The following PRKN variants were observed in gnomAD, a reference collection of about 807,000 sequenced individuals.
PRKN encodes the protein parkin RBR E3 ubiquitin protein ligase.
Under a neutral mutation model 59.5 loss-of-function variants are expected in PRKN, and 56 were observed. The observed-to-expected ratio is 0.94, with a 90% confidence interval of 0.76 to 1.18. PRKN has a LOEUF of 1.18. PRKN is among the 50% of genes most tolerant of loss of function. PRKN has a pLI of 0.00. For missense variants in PRKN, 657 were observed against 596.4 expected, an observed-to-expected ratio of 1.10 and a Z score of -1.06; for synonymous variants, 250 against 222.1, an observed-to-expected ratio of 1.13 and a Z score of -1.12.
intron 6 of PRKN, among the ~76,000 whole-genome samples, chr6:161,909,310 C>T (rs1339384093): frequency 6.6e-6 from 1 of 152,118 alleles, no homozygotes; most frequent in Non-Finnish European, 1.5e-5. Flanking sequence ...AAGAAGGTGA[C>T]TTGTTTTCCC....
rs564640448 is a variant in PRKN, at chr6:162,435,043, G to C, written c.171+8267C>G. Among the ~76,000 whole-genome samples the C allele has an allele frequency of 3.3e-5, 5 of 152,320 alleles. No homozygotes were observed. The East Asian group carries it at 9.7e-4, about 29-fold the overall frequency. On this transcript the variant is annotated intron_variant, in intron 2 of 11. Transcript: ENST00000366898. ...ATCTCAGATAACATCAGGTCAATTG[G>C]ATGATGGAATCTTAGTCCAATAATG...
chr6:162,228,398 C>G (rs1312446034), intron 3 of PRKN, among the ~76,000 whole-genome samples: 1 of 152,132 alleles, frequency 6.6e-6, no homozygotes, highest in African/African-American at 2.4e-5. Flanking sequence ...CAGACAGGGA[C>G]TAGAGACTCT....
chr6:162,097,752 A>G (rs1779803983), intron 4 of PRKN, among the ~76,000 whole-genome samples: 1 of 152,236 alleles, frequency 6.6e-6, no homozygotes, highest in African/African-American at 2.4e-5. Flanking sequence ...GAGATTAAGT[A>G]CACCATAAAA....
intron 9 of PRKN, among the ~76,000 whole-genome samples, chr6:161,537,751 T>G (rs1017850950): frequency 6.6e-6 from 1 of 152,216 alleles, no homozygotes; most frequent in Non-Finnish European, 1.5e-5. Flanking sequence ...GCGCCCGGCC[T>G]CAAATTCTTA....
chr6:161,680,777 T>TATATATA (rs1562604160), intron 7 of PRKN, among the ~76,000 whole-genome samples: 1 of 37,292 alleles, frequency 2.7e-5, no homozygotes, highest in Non-Finnish European at 6.5e-5. Flanking sequence ...ATATATATAT[T>TATATATA]TTTTTTTTTT....
intron 9 of PRKN, among the ~76,000 whole-genome samples, chr6:161,537,478 T>G (rs112159579): frequency 0.024 from 3,653 of 151,680 alleles, 167 homozygotes; most frequent in African/African-American, 0.082. Flanking sequence ...TTGAGATGGA[T>G]TCTTGCTCTG....
chr6:162,694,645 A>C (rs1158678540), intron 1 of PRKN: 2 of 152,228 alleles, frequency 1.3e-5, no homozygotes, highest in African/African-American at 4.8e-5. Context: ...TAAAACTCAA[A>C]TTAAATTTTA....
intron 1 of PRKN, among the ~76,000 whole-genome samples, chr6:162,684,317 A>C (rs2128233552): frequency 6.6e-6 from 1 of 152,190 alleles, no homozygotes; most frequent in Admixed American, 6.5e-5. Context: ...AAATCAAGGC[A>C]GCAGAAAGTG....
chr6:162,355,009 A>G (rs896851530), intron 2 of PRKN, among the ~76,000 whole-genome samples: 2 of 152,028 alleles, frequency 1.3e-5, no homozygotes, highest in African/African-American at 4.8e-5. Flanking sequence ...TACATCAACA[A>G]CAGAAATACT....
intron 6 of PRKN, among the ~76,000 whole-genome samples, chr6:161,930,939 C>T (rs1052213253): frequency 6.6e-6 from 1 of 152,228 alleles, no homozygotes; most frequent in East Asian, 1.9e-4. Context: ...GAAATGGACT[C>T]TCCCTGAGAG....
chr6:162,623,102 G>C (rs1249768539), intron 1 of PRKN, among the ~76,000 whole-genome samples: 2 of 152,192 alleles, frequency 1.3e-5, no homozygotes, highest in Admixed American at 6.5e-5. Context: ...CCAGTCATTA[G>C]GCTTCAGCCT....
chr6:162,206,564 A>T (rs1001462679), intron 3 of PRKN, among the ~76,000 whole-genome samples: 1 of 152,088 alleles, frequency 6.6e-6, no homozygotes, highest in African/African-American at 2.4e-5. Flanking sequence ...TGGTGTCATT[A>T]GCTCTCATTT....
chr6:161,387,380 G>A (rs1786307634), intron 9 of PRKN, among the ~76,000 whole-genome samples: 2 of 152,186 alleles, frequency 1.3e-5, no homozygotes, highest in South Asian at 2.1e-4. Flanking sequence ...TGTGAAGAAG[G>A]ATGTGTTTGC....
At position 161,401,462 on chromosome 6, in the gene PRKN, C is replaced by T. The variant is rs565372713; in HGVS notation, c.1084-14585G>A. Among the ~76,000 whole-genome samples, 64 of 151,950 alleles carry T rather than the reference C, an allele frequency of 4.2e-4. No individual in the cohort carries two copies. Among genetic ancestry groups the T allele is most frequent in the African/African-American group, 1.5e-3 (62 of 41,418 alleles). ...CGCATCTCTACTAAAAATACAAAAA[C>T]GTTAGCTGGGCGTGGTGGTGGACGC... On this transcript the variant is annotated intron_variant, in intron 9 of 11. Coordinates refer to ENST00000366898, the MANE Select transcript of PRKN (RefSeq NM_004562.3). This position sits in a 1 kb window ranked among gnomAD's most constrained non-coding sequence, Gnocchi z 4.4.
rs77892194 is a variant in PRKN at position 161,525,380 on chromosome 6, T to C, written c.1083+23474A>G. 6.6e-6 allele frequency among the ~76,000 whole-genome samples: 1 copy of C among 152,196 alleles called. No homozygotes were observed. Among genetic ancestry groups the C allele is most frequent in the African/African-American group, 2.4e-5 (1 of 41,456 alleles). On this transcript the variant is annotated intron_variant, in intron 9 of 11. Coordinates refer to ENST00000366898, the MANE Select transcript of PRKN (RefSeq NM_004562.3). The surrounding 1 kb of genome is among the most constrained non-coding windows in gnomAD (Gnocchi z 4.7). ...AGGACTTTCCTCCTGGAGCCTAGCC[T>C]GCCAGTGAGTAGGCTGCTCTGATCT...
intron 1 of PRKN, among the ~76,000 whole-genome samples, chr6:162,502,595 A>AT (rs56763814): frequency 0.16 from 24,960 of 152,138 alleles, 2,216 homozygotes; most frequent in Non-Finnish European, 0.19. Flanking sequence ...AATAATTACA[A>AT]TTCATTATGG....
chr6:161,842,479 A>AG (rs1793027816), intron 6 of PRKN, among the ~76,000 whole-genome samples: 1 of 151,764 alleles, frequency 6.6e-6, no homozygotes, highest in Admixed American at 6.6e-5. Context: ...AAAAAAAAAA[A>AG]AAATAGCCAT....
intron 2 of PRKN, among the ~76,000 whole-genome samples, chr6:162,350,113 A>G (rs1309503262): frequency 2.0e-5 from 3 of 152,186 alleles, no homozygotes; most frequent in Non-Finnish European, 4.4e-5. Flanking sequence ...TTAAAAAAAT[A>G]TAAAACAGGA....
rs373846281 is a variant in PRKN, at chr6:161,695,008, A to T, written c.871+90764T>A. On this transcript the variant is annotated intron_variant, in intron 7 of 11. Coordinates refer to ENST00000366898, the MANE Select transcript of PRKN (RefSeq NM_004562.3). ...ACCCAGGCATCGGCATTTCTTAAAA[A>T]CCTCCCCAGGCAATTCCAATCTACA... is the stretch of plus-strand genomic sequence containing the variant. Among the ~76,000 whole-genome samples, 8 of 147,968 alleles carry T rather than the reference A, an allele frequency of 5.4e-5. No individual in the cohort carries two copies. In the East Asian group the frequency reaches 8.0e-4, roughly 15 times the overall value.
Sources: allele counts gnomAD v4.1 joint callset (sites outside exome capture counted in the v4.1 genomes callset), GRCh38; gene constraint gnomAD v4.1.1; non-coding constraint Gnocchi (gnomAD v3.1); transcripts MANE v1.5; gene names NCBI Gene and HGNC (gene_info 2026-07-23, HGNC 2026-07-21).